The following DMD variants were observed in gnomAD, a reference collection of about 807,000 sequenced individuals.
DMD encodes the protein mutant dystrophin.
DMD carries 63 observed loss-of-function variants against 330.1 expected under a neutral mutation model. The ratio of observed to expected loss-of-function variants is 0.19; its 90% CI spans 0.16 to 0.24. DMD has a LOEUF of 0.24. Among genes scored for constraint, DMD ranks in the 10% least tolerant of loss-of-function variants. The pLI is 1.00. For synonymous variants in DMD, 1,223 were observed against 959.8 expected, an observed-to-expected ratio of 1.27 and a Z score of -5.07; for missense variants, 3,344 against 2,684.1, an observed-to-expected ratio of 1.25 and a Z score of -5.43.
At chrX:32,601,358 A>G (rs2056185740) in intron 12 of DMD, among the ~76,000 whole-genome samples, 1 of 111,694 alleles carries the variant, frequency 9.0e-6, no homozygotes, top group Non-Finnish European at 1.9e-5. Context: ...ATTAGTTCTT[A>G]TATCAGAACA....
intron 33 of DMD, among the ~76,000 whole-genome samples, chrX:32,381,524 A>G (rs745593690): frequency 1.1e-4 from 12 of 111,643 alleles, no homozygotes; most frequent in African/African-American, 3.9e-4. Context: ...CAGTCAAATC[A>G]TCAACAAAAG....
intron 44 of DMD, among the ~76,000 whole-genome samples, chrX:32,010,605 A>C (rs966962890): frequency 9.0e-6 from 1 of 111,613 alleles, no homozygotes. Context: ...GCGTCACTGC[A>C]CAATCTCCAC....
At chrX:33,098,768 CAG>C (rs2095204271) in intron 1 of DMD, among the ~76,000 whole-genome samples, 1 of 111,656 alleles carries the variant, frequency 9.0e-6, no homozygotes, top group Non-Finnish European at 1.9e-5. Context: ...ACAAAGGAGA[CAG>C]GGTCATTTAT....
At position 31,649,734 on chromosome X, in the gene DMD, T is replaced by C. The variant is rs757321165; in HGVS notation, c.8027+8256A>G. Among the ~76,000 whole-genome samples the C allele has an allele frequency of 4.5e-5, 5 of 110,755 alleles. No homozygotes were observed. In the South Asian group the frequency reaches 1.9e-3, roughly 43 times the overall value. On this transcript the variant is annotated intron_variant, in intron 54 of 78. Coordinates refer to ENST00000357033, the MANE Select transcript of DMD (RefSeq NM_004006.3). ...CAGCAATATAAAAATGGGATTGTCT[T>C]GTAACTATACATATGACTCTCTCCT...
intron 2 of DMD, among the ~76,000 whole-genome samples, chrX:32,982,188 C>G (rs931640060): frequency 3.6e-5 from 4 of 111,475 alleles, no homozygotes; most frequent in Admixed American, 2.9e-4. Flanking sequence ...AAAATAGTCA[C>G]TTTTTATAGA....
chrX:32,853,544 G>C (rs1402627352), intron 2 of DMD, among the ~76,000 whole-genome samples: 1 of 110,505 alleles, frequency 9.0e-6, no homozygotes, highest in African/African-American at 3.3e-5. Context: ...TATAGTGTTT[G>C]TAAACCTCAT....
chrX:33,312,326 T>C (rs1311640915), intron 1 of DMD, among the ~76,000 whole-genome samples: 2 of 110,952 alleles, frequency 1.8e-5, no homozygotes, highest in Non-Finnish European at 3.8e-5. Context: ...TCTGCAGAGT[T>C]GGCTGTGAAA....
chrX:32,696,461 A>G (rs2063662408), intron 9 of DMD, among the ~76,000 whole-genome samples: 1 of 111,932 alleles, frequency 8.9e-6, no homozygotes, highest in Non-Finnish European at 1.9e-5. Flanking sequence ...AAGTAAGTGA[A>G]TTTGTTGAAT....
intron 45 of DMD, among the ~76,000 whole-genome samples, chrX:31,949,604 T>A (rs1021942957): frequency 1.8e-5 from 2 of 111,358 alleles, no homozygotes; most frequent in African/African-American, 6.5e-5. Flanking sequence ...CATTTCTTCT[T>A]CTATACTGTG....
chrX:32,801,251 T>TA (rs776576655), intron 7 of DMD, among the ~76,000 whole-genome samples: 1 of 112,169 alleles, frequency 8.9e-6, no homozygotes, highest in East Asian at 2.8e-4. Flanking sequence ...ATTGTGGTTT[T>TA]GATTTTCATT....
At chrX:32,333,843 G>C (rs2097692542) in intron 41 of DMD, among the ~76,000 whole-genome samples, 1 of 111,596 alleles carries the variant, frequency 9.0e-6, no homozygotes, top group African/African-American at 3.3e-5. Flanking sequence ...CTTCTTCCTA[G>C]CCATTAGGCT....
intron 57 of DMD, among the ~76,000 whole-genome samples, chrX:31,482,234 T>G (rs74460351): frequency 0.036 from 2,698 of 75,749 alleles, 114 homozygotes; most frequent in African/African-American, 0.14. Context: ...TGTGTGTGTG[T>G]GTGGGGGGGG....
chrX:33,219,030 C>T (rs1053752727), intron 1 of DMD, among the ~76,000 whole-genome samples: 5 of 111,571 alleles, frequency 4.5e-5, no homozygotes, highest in African/African-American at 1.6e-4. Context: ...CAACAATTTT[C>T]GGGATGGCTA....
chrX:33,118,342 C>T, intron 1 of DMD, among the ~76,000 whole-genome samples: 1 of 110,151 alleles, frequency 9.1e-6, no homozygotes, highest in Non-Finnish European at 1.9e-5. Flanking sequence ...GATCTCCTGA[C>T]CTCGTGATCC....
At chrX:32,977,288 A>G (rs929868952) in intron 2 of DMD, among the ~76,000 whole-genome samples, 1 of 111,553 alleles carries the variant, frequency 9.0e-6, no homozygotes, top group African/African-American at 3.3e-5. Flanking sequence ...TGACAGAGCA[A>G]GACTCCATCT....
intron 55 of DMD, among the ~76,000 whole-genome samples, chrX:31,510,710 C>T (rs766964895): frequency 1.9e-4 from 21 of 109,354 alleles, no homozygotes; most frequent in Non-Finnish European, 3.8e-4. Context: ...AGGGTTTCAC[C>T]ATGTTAGCCA....
chrX:32,545,462 T>C (rs2048877133), intron 16 of DMD, 128 bp from the exon 17 acceptor site: 6 of 634,506 alleles, frequency 9.5e-6, no homozygotes, highest in Admixed American at 5.7e-5. Context: ...CAGATCAAAA[T>C]AGCACCATAT....
At chrX:31,318,451 T>G (rs1418978901) in intron 62 of DMD, among the ~76,000 whole-genome samples, 1 of 112,274 alleles carries the variant, frequency 8.9e-6, no homozygotes, top group African/African-American at 3.2e-5. Context: ...TAACAAGAAA[T>G]GTTGACTGAA....
intron 11 of DMD, among the ~76,000 whole-genome samples, chrX:32,627,525 C>T (rs893529040): frequency 8.2e-5 from 8 of 97,595 alleles, no homozygotes; most frequent in Non-Finnish European, 3.8e-5. Flanking sequence ...GATTCAGCAA[C>T]TGATATTAGC....
Sources: gnomAD v4.1 joint callset for allele counts (sites outside exome capture counted in the v4.1 genomes callset) on GRCh38, gnomAD v4.1.1 for gene constraint, MANE v1.5 for transcripts, NCBI Gene and HGNC (gene_info 2026-07-23, HGNC 2026-07-21) for gene names.